The following UBE2E2 variants were observed in gnomAD, a reference collection of about 807,000 sequenced individuals.
UBE2E2 encodes the protein ubiquitin conjugating enzyme E2 E2.
In UBE2E2, 6 loss-of-function variants were observed where a neutral mutation model predicts 24.7. The observed-to-expected ratio is 0.24, with a 90% CI of 0.13 to 0.48. UBE2E2 has a LOEUF of 0.48. UBE2E2 is among the 20% of genes least tolerant of loss of function. The probability of loss-of-function intolerance (pLI) is 0.99; values close to 1 mark genes in which losing one functional copy is unlikely to be tolerated. For synonymous variants in UBE2E2, 104 were observed against 83.6 expected, an observed-to-expected ratio of 1.24 and a Z score of -1.33; for missense variants, 169 against 245.0, an observed-to-expected ratio of 0.69 and a Z score of 2.07.
At chr3:23,552,247 G>A (rs902971272) in intron 5 of UBE2E2, among the ~76,000 whole-genome samples, 4 of 152,118 alleles carry the variant, frequency 2.6e-5, no homozygotes, top group East Asian at 1.9e-4. Context: ...CTAGCTACTC[G>A]GAGGCCAAGG....
At chr3:23,213,918 G>T (rs1174589006) in intron 2 of UBE2E2, among the ~76,000 whole-genome samples, 1 of 152,114 alleles carries the variant, frequency 6.6e-6, no homozygotes, top group East Asian at 1.9e-4. Context: ...AAGAGACAGT[G>T]CCTGAAATAG....
At position 23,581,151 on chromosome 3, in the gene UBE2E2, A is replaced by G. The variant is rs527276956; in HGVS notation, c.509-8583A>G. ...AGTGGCACAACCATAGCTCCCCACAATCTTGAACTCCTGGACTCAAGGGAT... is the reference window on the plus strand; with the variant it reads ...AGTGGCACAACCATAGCTCCCCACAGTCTTGAACTCCTGGACTCAAGGGAT... On this transcript the variant is annotated intron_variant, in intron 5 of 5. Transcript: ENST00000396703. Among the ~76,000 whole-genome samples, 47 of 152,108 alleles carry G rather than the reference A, an allele frequency of 3.1e-4. 1 individual carries two copies. The highest frequency in any genetic ancestry group is 2.5e-3 in the South Asian group (12 of 4,804).
intron 3 of UBE2E2, among the ~76,000 whole-genome samples, chr3:23,377,886 C>T (rs985366942): frequency 1.7e-4 from 26 of 152,092 alleles, no homozygotes; most frequent in Admixed American, 6.6e-5. Context: ...TTATGTACAT[C>T]TCTTATGTAC....
chr3:23,296,299 CTTTT>C (rs1418780479), intron 3 of UBE2E2, among the ~76,000 whole-genome samples: 1 of 151,888 alleles, frequency 6.6e-6, no homozygotes, highest in East Asian at 1.9e-4. Context: ...TTTAGTGTTT[CTTTT>C]TTCTTTTTTT....
At chr3:23,213,428 A>G (rs1040412195) in intron 2 of UBE2E2, among the ~76,000 whole-genome samples, 2 of 152,002 alleles carry the variant, frequency 1.3e-5, no homozygotes, top group Admixed American at 6.6e-5. Context: ...TTTAAAGCAA[A>G]TAACAGTCCC....
intron 3 of UBE2E2, among the ~76,000 whole-genome samples, chr3:23,438,886 C>T (rs1698237631): frequency 6.6e-6 from 1 of 152,172 alleles, no homozygotes; most frequent in African/African-American, 2.4e-5. Flanking sequence ...TACAAATTTT[C>T]TGATAACAAC....
chr3:23,276,773 G>A (rs1698383083), intron 3 of UBE2E2, among the ~76,000 whole-genome samples: 1 of 152,008 alleles, frequency 6.6e-6, no homozygotes, highest in Admixed American at 6.6e-5. Context: ...TATATTGTGA[G>A]CATTTGTACT....
chr3:23,557,659 G>T (rs939572280), intron 5 of UBE2E2, among the ~76,000 whole-genome samples: 1 of 152,086 alleles, frequency 6.6e-6, no homozygotes, highest in African/African-American at 2.4e-5. Flanking sequence ...ATTTTTTCTC[G>T]TCAACCAACA....
chr3:23,582,773 A>T (rs1322350973), intron 5 of UBE2E2, among the ~76,000 whole-genome samples: 2 of 151,650 alleles, frequency 1.3e-5, no homozygotes, highest in African/African-American at 2.4e-5. Flanking sequence ...TTTAAGTTCC[A>T]TGTAGACTCT....
chr3:23,527,054 CA>C (rs1357875536), intron 4 of UBE2E2, among the ~76,000 whole-genome samples: 9 of 151,962 alleles, frequency 5.9e-5, no homozygotes, highest in African/African-American at 1.7e-4. Flanking sequence ...AACACATAAA[CA>C]AATGAAAAAG....
intron 5 of UBE2E2, among the ~76,000 whole-genome samples, chr3:23,587,339 C>G (rs1004948117): frequency 6.6e-6 from 1 of 152,192 alleles, no homozygotes; most frequent in Non-Finnish European, 1.5e-5. Context: ...CCTCCACCCC[C>G]TTTGAGCTGA....
At chr3:23,329,475 G>A (rs1307507839) in intron 3 of UBE2E2, among the ~76,000 whole-genome samples, 2 of 152,226 alleles carry the variant, frequency 1.3e-5, no homozygotes, top group African/African-American at 4.8e-5. Flanking sequence ...GCAGGCAAAA[G>A]GGCAGATTCT....
chr3:23,583,366 G>C lies in UBE2E2; in HGVS notation c.509-6368G>C, dbSNP rs1256535482. On this transcript the variant is annotated intron_variant, in intron 5 of 5. Transcript: ENST00000396703. This position sits in a 1 kb window ranked among gnomAD's most constrained non-coding sequence, Gnocchi z 4.1. ...ATGCTTTGAAGTCAGGTCATGTGAT[G>C]CTTCCACCTTTGTTCTTTTTGCTTA... Among the ~76,000 whole-genome samples, 2 of 152,146 alleles carry C rather than the reference G, an allele frequency of 1.3e-5. No homozygotes were observed. Among genetic ancestry groups the C allele is most frequent in the African/African-American group, 4.8e-5 (2 of 41,428 alleles).
chr3:23,532,758 C>T (rs1467695397), intron 5 of UBE2E2, 57 bp downstream of exon 5: 2 of 1,420,094 alleles, frequency 1.4e-6, no homozygotes, highest in African/African-American at 2.8e-5. Context: ...AATGTCAGAC[C>T]CTTAGTAACT....
intron 3 of UBE2E2, among the ~76,000 whole-genome samples, chr3:23,251,422 A>T (rs540964977): frequency 6.6e-6 from 1 of 152,318 alleles, no homozygotes; most frequent in East Asian, 1.9e-4. Context: ...TAGTTGGGCT[A>T]TTAATCATAC....
At chr3:23,536,821 A>G (rs901494714) in intron 5 of UBE2E2, among the ~76,000 whole-genome samples, 18 of 152,284 alleles carry the variant, frequency 1.2e-4, no homozygotes, top group African/African-American at 1.7e-4. Flanking sequence ...ATACTTTTCT[A>G]TGTTTGGATA....
At chr3:23,588,187 T>C (rs1297337708) in intron 5 of UBE2E2, among the ~76,000 whole-genome samples, 3 of 152,182 alleles carry the variant, frequency 2.0e-5, no homozygotes, top group Non-Finnish European at 2.9e-5. Context: ...ATTTTTTTCC[T>C]ACCAAACATT....
chr3:23,320,217 T>C (rs1473954068), intron 3 of UBE2E2, among the ~76,000 whole-genome samples: 1 of 152,234 alleles, frequency 6.6e-6, no homozygotes, highest in African/African-American at 2.4e-5. Context: ...TGTTTCACTT[T>C]ATTAGTCCCT....
At chr3:23,203,306 G>C (rs1431152658), upstream of UBE2E2, 1 of 987,240 alleles carries the variant, frequency 1.0e-6, no homozygotes, top group African/African-American at 1.7e-5. Flanking sequence ...AGGCGTGGTC[G>C]GGTGCGTGGT....
Sources: allele counts gnomAD v4.1 joint callset (sites outside exome capture counted in the v4.1 genomes callset), GRCh38; gene constraint gnomAD v4.1.1; non-coding constraint Gnocchi (gnomAD v3.1); transcripts MANE v1.5; gene names NCBI Gene and HGNC (gene_info 2026-07-23, HGNC 2026-07-21).